ERBIN: variants seen among roughly 807,000 people sequenced by gnomAD.
ERBIN encodes erbb2 interacting protein, also known as densin-180-like protein.
Under a neutral mutation model 158.4 loss-of-function variants are expected in ERBIN, and 60 were observed. The observed-to-expected ratio is 0.38, with a 90% CI of 0.31 to 0.47. The LOEUF (loss-of-function observed/expected upper bound fraction) is 0.47. ERBIN is among the 20% of genes least tolerant of loss of function. The pLI is 0.99. For synonymous variants in ERBIN, 594 were observed against 557.2 expected (o/e 1.07, Z -0.93); for missense variants, 1,610 against 1,648.0 (o/e 0.98, Z 0.40).
At position 66,047,866 on chromosome 5, in the gene ERBIN, CTG is replaced by C. The variant is rs576930973; in HGVS notation, c.1789-797_1789-796del. Among the ~76,000 whole-genome samples the C allele has an allele frequency of 6.6e-5, 10 of 152,008 alleles. No individual in the cohort carries two copies. The South Asian group carries it at 1.9e-3, about 28-fold the overall frequency. ...TAGTGTAATTTCTATGTGTAAGGCA[CTG>C]TGTTTAGAGCTAAGGTGGCAGAATG... On this transcript the variant is annotated intron_variant, in intron 18 of 25. Coordinates refer to ENST00000284037, the MANE Select transcript of ERBIN (RefSeq NM_001253697.2).
rs369710254 is a variant in ERBIN at position 66,025,947 on chromosome 5, T to C, written c.990T>C (p.Asp330=). 148 of 1,591,730 alleles carry C rather than the reference T, an allele frequency of 9.3e-5. No homozygotes were observed. Among genetic ancestry groups the C allele is most frequent in the South Asian group, 4.4e-4 (38 of 86,120 alleles). Residue 330 remains aspartate (D), a synonymous_variant, in exon 12 of 26, where the codon GAT becomes GAC. Transcript: ENST00000284037. ...QLTNLRTFAA[D]HNYLQQLPPE... is the part of the protein sequence containing the mutation. Reference sequence around the variant, plus strand: ...CTAACTTAAGAACTTTTGCTGCTGATCATAATTACTTACAGCAGTTGCCCC... The same window carrying C: ...CTAACTTAAGAACTTTTGCTGCTGACCATAATTACTTACAGCAGTTGCCCC...
intron 1 of ERBIN, among the ~76,000 whole-genome samples, chr5:65,947,803 T>A (rs1465282709): frequency 6.6e-6 from 1 of 152,024 alleles, no homozygotes; most frequent in Non-Finnish European, 1.5e-5. Context: ...GGTCAGGAGT[T>A]TGAAACCAAC....
At chr5:66,055,363 T>C (rs1432146832) in intron 21 of ERBIN, among the ~76,000 whole-genome samples, 1 of 152,210 alleles carries the variant, frequency 6.6e-6, no homozygotes, top group East Asian at 1.9e-4. Context: ...ATATTTCATC[T>C]AATATTTTTT....
At chr5:65,986,636 TAA>T (rs890869531) in intron 1 of ERBIN, among the ~76,000 whole-genome samples, 1 of 152,238 alleles carries the variant, frequency 6.6e-6, no homozygotes. Flanking sequence ...TACTTTTTAT[TAA>T]GAGTATTATT....
At chr5:66,043,784 A>G (rs746116566) in intron 16 of ERBIN, among the ~76,000 whole-genome samples, 21 of 152,176 alleles carry the variant, frequency 1.4e-4, no homozygotes, top group Non-Finnish European at 2.5e-4. Flanking sequence ...TGAGACATAA[A>G]TATACGAATA....
chr5:66,071,902 C>A (rs1432143457), intron 21 of ERBIN, among the ~76,000 whole-genome samples: 1 of 152,002 alleles, frequency 6.6e-6, no homozygotes, highest in African/African-American at 2.4e-5. Context: ...ATGCAAAATT[C>A]ATCTTCTACA....
At chr5:65,927,258 T>C (rs879319674) in intron 1 of ERBIN, among the ~76,000 whole-genome samples, 7 of 152,236 alleles carry the variant, frequency 4.6e-5, no homozygotes, top group African/African-American at 7.2e-5. Context: ...ACCGATTATA[T>C]TGGCGCTTGC....
intron 1 of ERBIN, among the ~76,000 whole-genome samples, chr5:65,968,621 C>T (rs1455948674): frequency 6.6e-6 from 1 of 152,092 alleles, no homozygotes; most frequent in Non-Finnish European, 1.5e-5. Flanking sequence ...AGTGCAGTGG[C>T]CCGATCTTGG....
chr5:65,975,381 CTG>C (rs557933360), intron 1 of ERBIN, among the ~76,000 whole-genome samples: 171 of 152,316 alleles, frequency 1.1e-3, no homozygotes, highest in Middle Eastern at 0.01. Flanking sequence ...TCTCGGCTCA[CTG>C]TAACCTCCGC....
At chr5:66,064,598 A>C (rs952959084) in intron 21 of ERBIN, among the ~76,000 whole-genome samples, 9 of 152,346 alleles carry the variant, frequency 5.9e-5, no homozygotes, top group African/African-American at 1.7e-4. Flanking sequence ...AAAGAGAGCC[A>C]CTATTATTTC....
chr5:66,062,799 G>C (rs1027755337), intron 21 of ERBIN, among the ~76,000 whole-genome samples: 5 of 152,178 alleles, frequency 3.3e-5, no homozygotes, highest in Non-Finnish European at 7.3e-5. Flanking sequence ...GTTGACTGGA[G>C]GTCCACTCCA....
At chr5:65,928,681 TCA>T in intron 1 of ERBIN, among the ~76,000 whole-genome samples, 1 of 152,340 alleles carries the variant, frequency 6.6e-6, no homozygotes, top group South Asian at 2.1e-4. Flanking sequence ...AGTGAGGTGT[TCA>T]CCTTTGTGTT....
At chr5:65,931,819 C>CTTT (rs36048820) in intron 1 of ERBIN, among the ~76,000 whole-genome samples, 3 of 131,932 alleles carry the variant, frequency 2.3e-5, no homozygotes, top group East Asian at 2.2e-4. Flanking sequence ...TCTTTTCTTT[C>CTTT]TTTTTTTTTT....
chr5:65,996,310 T>G (rs1752440863), intron 4 of ERBIN, among the ~76,000 whole-genome samples: 1 of 151,272 alleles, frequency 6.6e-6, no homozygotes, highest in South Asian at 2.1e-4. Context: ...CATTTTGAGT[T>G]GATTTTTTAA....
chr5:66,042,715 A>C (rs1452653681), intron 15 of ERBIN, among the ~76,000 whole-genome samples: 1 of 152,132 alleles, frequency 6.6e-6, no homozygotes, highest in East Asian at 1.9e-4. Context: ...CATATTATGT[A>C]TAATGTTTAA....
At position 66,018,582 on chromosome 5, in the gene ERBIN, TA is replaced by T. The variant is rs1755288407; in HGVS notation, c.534-2739del. On this transcript the variant is annotated intron_variant, in intron 7 of 25. Transcript: ENST00000284037. ...ATAATATATATTATATTATATAATATATATTATATAATATATATTATATATA... is the reference window on the plus strand; with the variant it reads ...ATAATATATATTATATTATATAATATTATTATATAATATATATTATATATA... Among the ~76,000 whole-genome samples the T allele has an allele frequency of 3.6e-5, 2 of 55,742 alleles. 1 individual carries two copies. The highest frequency in any genetic ancestry group is 5.8e-5 in the Non-Finnish European group (2 of 34,506). 36.6% of individuals were successfully genotyped at this position (55,742 alleles called of 152,430 possible). A position where few individuals can be genotyped will look rare whatever the true frequency, so the allele number is the denominator to read the frequency against.
intron 1 of ERBIN, among the ~76,000 whole-genome samples, chr5:65,927,675 CT>C (rs1742820996): frequency 6.6e-6 from 1 of 152,180 alleles, no homozygotes; most frequent in Non-Finnish European, 1.5e-5. Flanking sequence ...AAAAGCTGTG[CT>C]TTTCGAGTAG....
intron 1 of ERBIN, among the ~76,000 whole-genome samples, chr5:65,964,804 A>G (rs1457771855): frequency 7.3e-6 from 1 of 137,406 alleles, no homozygotes; most frequent in East Asian, 2.1e-4. Flanking sequence ...GTGCAGTGGT[A>G]CAATCTCCGC....
rs56330910 is a variant in ERBIN, at chr5:66,054,578, A to C, written c.3260A>C (p.Asn1087Thr). The change falls in exon 21 of 26, where the codon AAT (asparagine) becomes ACT (threonine). Residue 1087 changes from asparagine to threonine, a missense_variant. Asn to Thr is a moderately conservative substitution (Grantham distance 65, BLOSUM62 0). Coordinates refer to ENST00000284037, the MANE Select transcript of ERBIN (RefSeq NM_001253697.2). ...QSSVSSTASV[N>T]LGDPGSTRRA... ...AGTGTGTCCTCCACAGCCTCTGTAA[A>C]TCTTGGTGATCCAGGCTCTACAAGG... 2.2e-5 allele frequency: 35 copies of C among 1,614,020 alleles called. No individual in the cohort carries two copies. The South Asian group carries it at 3.2e-4, about 15-fold the overall frequency.
Sources: gnomAD v4.1 joint callset for allele counts (sites outside exome capture counted in the v4.1 genomes callset) on GRCh38, gnomAD v4.1.1 for gene constraint, MANE v1.5 for transcripts, NCBI Gene and HGNC (gene_info 2026-07-23, HGNC 2026-07-21) for gene names.